PRRC2C: variants seen among roughly 807,000 people sequenced by gnomAD.
PRRC2C encodes proline rich coiled-coil 2C.
Under a neutral mutation model 317.2 loss-of-function variants are expected in PRRC2C, and 72 were observed. The ratio of observed to expected loss-of-function variants is 0.23; its 90% CI spans 0.19 to 0.28. The LOEUF (loss-of-function observed/expected upper bound fraction) is 0.28, where lower values mean the gene tolerates loss of function less well. Among genes scored for constraint, PRRC2C ranks in the 10% least tolerant of loss-of-function variants. The probability of loss-of-function intolerance (pLI) is 1.00; values close to 1 mark genes in which losing one functional copy is unlikely to be tolerated. For missense variants in PRRC2C, 3,074 were observed against 3,459.7 expected, an observed-to-expected ratio of 0.89 and a Z score of 2.80; for synonymous variants, 1,296 against 1,205.9, an observed-to-expected ratio of 1.07 and a Z score of -1.55.
rs1362747749 is a variant in PRRC2C, at chr1:171,566,832, A to G, written c.6547A>G (p.Thr2183Ala). 2.5e-6 allele frequency: 4 copies of G among 1,612,116 alleles called. No individual in the cohort carries two copies. The Admixed American group carries it at 5.0e-5, about 20-fold the overall frequency. Reference sequence around the variant, plus strand: ...CTCGGTATCATCTGCAGAATATGGTACTAATGCAAAGGTAAGCCACATGTA... The same window carrying G: ...CTCGGTATCATCTGCAGAATATGGTGCTAATGCAAAGGTAAGCCACATGTA... ...MISVSSAEYG[T>A]NAKESVTDYT... Residue 2183 changes from threonine (T) to alanine (A), a missense_variant, in exon 22 of 35, where the codon ACT becomes GCT. Physicochemically the swap from Thr to Ala is moderately conservative, Grantham distance 58. Transcript: ENST00000647382.
Position 171,540,663 on chromosome 1 carries a change from C to A in PRRC2C, c.3197C>A (p.Pro1066Gln). 6.2e-7 allele frequency: 1 copy of A among 1,613,966 alleles called. No individual in the cohort carries two copies. The highest frequency in any genetic ancestry group is 2.2e-5 in the East Asian group (1 of 44,876). The change falls in exon 16 of 35, where the codon CCA (proline) becomes CAA (glutamine). Residue 1066 changes from proline (P) to glutamine (Q), a missense_variant. By Grantham distance (76) the Pro-to-Gln change is moderately conservative. Around this residue, in one of 11 missense-constraint regions of PRRC2C, gnomAD observed 1,320 missense variants for 1,395.7 expected, o/e 0.95. Coordinates refer to ENST00000647382, the MANE Select transcript of PRRC2C (RefSeq NM_001387844.1). ...AAGGATCTTCCTCCTCCCCCACCAC[C>A]ACCTCAGCCACCAGCACCAATTCAG... ...EKKDLPPPPPPPQPPAPIQPQ... is the reference protein window; with the variant it reads ...EKKDLPPPPPQPQPPAPIQPQ...
At chr1:171,587,445 G>T (rs1313034449) in intron 31 of PRRC2C, among the ~76,000 whole-genome samples, 1 of 152,100 alleles carries the variant, frequency 6.6e-6, no homozygotes, top group African/African-American at 2.4e-5. Flanking sequence ...GGAAGAATTG[G>T]ATTTATAGTG....
chr1:171,517,523 A>G (rs1672606589), intron 5 of PRRC2C, 68 bp from the exon 6 acceptor site: 3 of 1,395,442 alleles, frequency 2.1e-6, no homozygotes, highest in South Asian at 2.5e-5. Context: ...CCTGAAATAC[A>G]TTTTGGTTTC....
intron 9 of PRRC2C, among the ~76,000 whole-genome samples, chr1:171,524,130 A>G (rs1000662127): frequency 5.3e-5 from 8 of 152,048 alleles, no homozygotes; most frequent in Admixed American, 4.6e-4. Context: ...TACTTGCTTG[A>G]CCTGATCTGT....
chr1:171,589,711 A>G (rs907154740), intron 34 of PRRC2C, 106 bp downstream of exon 34: 18 of 736,380 alleles, frequency 2.4e-5, no homozygotes, highest in Non-Finnish European at 1.9e-6. Context: ...TTGTCTTAGC[A>G]GACTTAACCA....
chr1:171,586,063 AT>A (rs920423722), intron 30 of PRRC2C, among the ~76,000 whole-genome samples: 40 of 83,030 alleles, frequency 4.8e-4, no homozygotes, highest in Non-Finnish European at 5.8e-4. Context: ...TCAGGTGTTG[AT>A]TTTTTTTTTT....
intron 1 of PRRC2C, among the ~76,000 whole-genome samples, chr1:171,498,034 C>T (rs531437360): frequency 2.0e-5 from 3 of 149,742 alleles, no homozygotes; most frequent in Admixed American, 2.0e-4. Context: ...GCTGTGTTGC[C>T]CAGGCTGGTC....
chr1:171,565,918 G>C (rs1295627481), intron 20 of PRRC2C, among the ~76,000 whole-genome samples: 1 of 152,100 alleles, frequency 6.6e-6, no homozygotes, highest in South Asian at 2.1e-4. Context: ...GTTGGTAGTG[G>C]TGTCTTTGTG....
intron 1 of PRRC2C, among the ~76,000 whole-genome samples, chr1:171,500,425 A>G (rs1296959590): frequency 2.0e-5 from 3 of 151,960 alleles, no homozygotes; most frequent in Admixed American, 6.6e-5. Flanking sequence ...TTTAGAGACA[A>G]TCTTGCTGTG....
In PRRC2C at chr1:171,557,226, G is replaced by A. The variant is rs576608370; in HGVS notation, c.5128-14G>A. 2.4e-5 allele frequency: 36 copies of A among 1,527,580 alleles called. No individual in the cohort carries two copies. In the Middle Eastern group the frequency reaches 5.1e-4, roughly 22 times the overall value. The allele number at this position is 1,527,580 out of a possible 1,614,324, so 94.6% of individuals were successfully genotyped here. On this transcript the variant is annotated splice_polypyrimidine_tract_variant and intron_variant, in intron 18 of 34. Coordinates refer to ENST00000647382, the MANE Select transcript of PRRC2C (RefSeq NM_001387844.1). Reference sequence around the variant, plus strand: ...TGCATTATTGACAAAAATGGTCCCCGTTAATTTTTTAAGGTCTGGAACAAA... The same window carrying A: ...TGCATTATTGACAAAAATGGTCCCCATTAATTTTTTAAGGTCTGGAACAAA...
intron 20 of PRRC2C, among the ~76,000 whole-genome samples, chr1:171,562,424 T>C (rs1390854041): frequency 1.3e-5 from 2 of 152,170 alleles, no homozygotes; most frequent in African/African-American, 4.8e-5. Flanking sequence ...TTCAAATTAT[T>C]CTGGGTTGTC....
chr1:171,558,169 G>C lies in PRRC2C; in HGVS notation c.6031+26G>C, dbSNP rs967891574. 9 of 1,587,834 alleles carry C rather than the reference G, an allele frequency of 5.7e-6. No individual in the cohort carries two copies. In the Admixed American group the frequency reaches 1.6e-4, roughly 28 times the overall value. ...GTAAGTTGCAAAAGAGAAGTGAGGG[G>C]TGGGGAATGGCATAGGAATACTGAG... On this transcript the variant is annotated intron_variant, in intron 19 of 34. Coordinates refer to ENST00000647382, the MANE Select transcript of PRRC2C (RefSeq NM_001387844.1).
chr1:171,538,184 C>G (rs1036109838), intron 15 of PRRC2C, among the ~76,000 whole-genome samples: 2 of 152,154 alleles, frequency 1.3e-5, no homozygotes, highest in African/African-American at 4.8e-5. Context: ...CCGTGTTGCC[C>G]AGGCTGGTCT....
At chr1:171,574,784 T>A in intron 24 of PRRC2C, 143 bp from the exon 25 acceptor site, 1 of 771,636 alleles carries the variant, frequency 1.3e-6, no homozygotes. Flanking sequence ...GGTCTTAGGG[T>A]CTTAGATTTT....
chr1:171,577,771 ATTTTTT>A (rs1553245738), intron 26 of PRRC2C, 134 bp downstream of exon 26: 37 of 299,792 alleles, frequency 1.2e-4, no homozygotes, highest in African/African-American at 3.9e-4. Flanking sequence ...TTAAATTCGC[ATTTTTT>A]TTTTTTTTTT....
intron 31 of PRRC2C, 48 bp downstream of exon 31, chr1:171,587,269 G>C: frequency 4.0e-6 from 6 of 1,499,992 alleles, no homozygotes; most frequent in Non-Finnish European, 5.4e-6. Flanking sequence ...TTAAGGTAGT[G>C]TGTTCAGATA....
chr1:171,588,717 A>G (rs1310929631), intron 33 of PRRC2C, among the ~76,000 whole-genome samples: 3 of 152,220 alleles, frequency 2.0e-5, no homozygotes, highest in Non-Finnish European at 4.4e-5. Context: ...GACAAGAGAA[A>G]TAGTTAAAAG....
chr1:171,534,202 T>C (rs1279304809), intron 12 of PRRC2C, among the ~76,000 whole-genome samples: 3 of 152,168 alleles, frequency 2.0e-5, no homozygotes, highest in African/African-American at 4.8e-5. Flanking sequence ...GGACCATTTG[T>C]TAAGACTCTA....
At chr1:171,493,632 C>A (rs1364522257) in intron 1 of PRRC2C, among the ~76,000 whole-genome samples, 1 of 152,138 alleles carries the variant, frequency 6.6e-6, no homozygotes, top group Non-Finnish European at 1.5e-5. Context: ...CCAGCCTGGC[C>A]AACATGGTGA....
Sources: allele counts gnomAD v4.1 joint callset (sites outside exome capture counted in the v4.1 genomes callset), GRCh38; gene constraint gnomAD v4.1.1; regional missense constraint gnomAD v4.1.1; transcripts MANE v1.5; gene names NCBI Gene and HGNC (gene_info 2026-07-23, HGNC 2026-07-21).